Variants in SLC28A3 observed in about 807,000 individuals in gnomAD.
SLC28A3 encodes concentrative Na(+)-nucleoside cotransporter 3.
SLC28A3 carries 68 observed loss-of-function variants against 84.2 expected under a neutral mutation model. That is an observed-to-expected ratio of 0.81 (90% confidence interval 0.66 to 0.99). SLC28A3 has a LOEUF of 0.99. SLC28A3 is among the 50% of genes least tolerant of loss of function. The pLI, the probability that SLC28A3 is intolerant of heterozygous loss-of-function variation, is 0.00. For synonymous variants in SLC28A3, 267 were observed against 303.6 expected (o/e 0.88, Z 1.25); for missense variants, 712 against 841.5 (o/e 0.85, Z 1.90).
At chr9:84,330,250 A>T (rs1826727125) in intron 1 of SLC28A3, among the ~76,000 whole-genome samples, 1 of 152,342 alleles carries the variant, frequency 6.6e-6, no homozygotes, top group South Asian at 2.1e-4. Context: ...TCAAGGAAAA[A>T]AGAAACCAAG....
At chr9:84,299,766 G>A (rs1168456188) in intron 5 of SLC28A3, 41 bp from the exon 6 acceptor site, 1 of 1,541,708 alleles carries the variant, frequency 6.5e-7, no homozygotes, top group African/African-American at 1.4e-5. Context: ...CATTTGTTGT[G>A]CTAACTTGAG....
intron 1 of SLC28A3, among the ~76,000 whole-genome samples, chr9:84,329,124 A>G (rs1236175384): frequency 6.6e-6 from 1 of 152,248 alleles, no homozygotes; most frequent in Non-Finnish European, 1.5e-5. Flanking sequence ...AACAATTGTT[A>G]CTAGAGACAA....
In SLC28A3 at chr9:84,334,213, C is replaced by T. The variant is rs549909316; in HGVS notation, c.60+6361G>A. On this transcript the variant is annotated intron_variant, in intron 1 of 17. Transcript: ENST00000376238. The stretch of plus-strand genomic sequence containing the variant: ...ACTCAGGAGGCTGAAGCAGGAGAAT[C>T]GCTTGAACTGGGGAGGCAGAGGTTG... Among the ~76,000 whole-genome samples the T allele has an allele frequency of 3.9e-5, 6 of 152,290 alleles. No individual in the cohort carries two copies. In the East Asian group the frequency reaches 7.7e-4, roughly 20 times the overall value.
chr9:84,346,193 C>T, the SLC28A3 span, among the ~76,000 whole-genome samples: 3 of 152,200 alleles, frequency 2.0e-5, no homozygotes, highest in Non-Finnish European at 2.9e-5. Flanking sequence ...CCGTTCTGTT[C>T]TCTAAAACTC....
chr9:84,300,932 A>G (rs1212745051), intron 5 of SLC28A3, among the ~76,000 whole-genome samples: 1 of 152,162 alleles, frequency 6.6e-6, no homozygotes, highest in Non-Finnish European at 1.5e-5. Context: ...TCATGTTCAC[A>G]GTTCTCATTA....
upstream of SLC28A3, among the ~76,000 whole-genome samples, chr9:84,340,859 G>C (rs1210924747): frequency 6.6e-6 from 1 of 152,036 alleles, no homozygotes; most frequent in Non-Finnish European, 1.5e-5. Flanking sequence ...TCTAGTGCTG[G>C]CCCGCCCACC....
At chr9:84,283,650 T>C (rs530874584) in intron 14 of SLC28A3, among the ~76,000 whole-genome samples, 1 of 152,336 alleles carries the variant, frequency 6.6e-6, no homozygotes, top group Non-Finnish European at 1.5e-5. Context: ...AGGCAAAGTA[T>C]TATCTTTAGG....
the SLC28A3 span, among the ~76,000 whole-genome samples, chr9:84,351,221 G>A: frequency 6.6e-6 from 1 of 152,164 alleles, no homozygotes; most frequent in Non-Finnish European, 1.5e-5. Context: ...CACAGGGTCA[G>A]GATCATCAAG....
the SLC28A3 span, among the ~76,000 whole-genome samples, chr9:84,355,612 C>G: frequency 6.6e-6 from 1 of 152,028 alleles, no homozygotes; most frequent in Non-Finnish European, 1.5e-5. Context: ...TGAAGTCAGA[C>G]TGCCTGGTTC....
At chr9:84,330,751 G>A (rs929515716) in intron 1 of SLC28A3, among the ~76,000 whole-genome samples, 15 of 151,936 alleles carry the variant, frequency 9.9e-5, no homozygotes, top group Non-Finnish European at 5.9e-5. Context: ...TCAAAGACTT[G>A]GTATGAAACA....
chr9:84,346,518 C>T, the SLC28A3 span, among the ~76,000 whole-genome samples: 2 of 152,080 alleles, frequency 1.3e-5, no homozygotes, highest in African/African-American at 2.4e-5. Flanking sequence ...GCAGATTAAC[C>T]TTTGTCTATA....
At chr9:84,312,471 T>TA (rs1826021988) in intron 2 of SLC28A3, among the ~76,000 whole-genome samples, 1 of 151,330 alleles carries the variant, frequency 6.6e-6, no homozygotes, top group Non-Finnish European at 1.5e-5. Flanking sequence ...TTGTCTACTT[T>TA]AAAAAAAAGT....
chr9:84,367,800 A>T, the SLC28A3 span, among the ~76,000 whole-genome samples: 1 of 152,282 alleles, frequency 6.6e-6, no homozygotes, highest in Middle Eastern at 3.4e-3. Context: ...TCTTTACCCA[A>T]ACATCTCAGT....
At chr9:84,320,642 C>G (rs1284204596) in intron 1 of SLC28A3, among the ~76,000 whole-genome samples, 1 of 152,138 alleles carries the variant, frequency 6.6e-6, no homozygotes, top group African/African-American at 2.4e-5. Context: ...GGGACGGACA[C>G]TGCTTTGGGT....
At chr9:84,334,067 G>A (rs910175791) in intron 1 of SLC28A3, among the ~76,000 whole-genome samples, 1 of 152,238 alleles carries the variant, frequency 6.6e-6, no homozygotes, top group Non-Finnish European at 1.5e-5. Flanking sequence ...CACTTTGGGA[G>A]GCCAAGGCGG....
intron 1 of SLC28A3, among the ~76,000 whole-genome samples, chr9:84,321,502 G>A (rs1190122647): frequency 6.6e-6 from 1 of 152,026 alleles, no homozygotes; most frequent in African/African-American, 2.4e-5. Flanking sequence ...GGGAGGCCGA[G>A]GAGGGCGGAT....
chr9:84,297,949 T>C lies in SLC28A3; in HGVS notation c.740A>G (p.Asp247Gly), dbSNP rs1187544478. The change falls in exon 7 of 18, where the codon GAC becomes GGC. Residue 247 changes from aspartate (D) to glycine (G), a missense_variant. By Grantham distance (94) the Asp-to-Gly change is moderately conservative (BLOSUM62 -1). Transcript: ENST00000376238. The part of the protein sequence containing the change: ...FLLGLLILRT[D>G]PGFIAFDWLG... Reference sequence around the variant, plus strand: ...CCAATCAAAAGCTATAAATCCAGGGTCAGTCCTTAGAATCAAGAGCCCAAG... The same window carrying C: ...CCAATCAAAAGCTATAAATCCAGGGCCAGTCCTTAGAATCAAGAGCCCAAG... The C allele has an allele frequency of 6.2e-7, 1 of 1,611,688 alleles. No individual in the cohort carries two copies.
intron 12 of SLC28A3, among the ~76,000 whole-genome samples, 181 bp from the exon 13 acceptor site, chr9:84,286,292 G>A (rs1824984965): frequency 6.6e-6 from 1 of 152,010 alleles, no homozygotes; most frequent in Admixed American, 6.6e-5. Flanking sequence ...ATTTAACCAT[G>A]TTTGTTCTTG....
rs1261101926 is a variant in SLC28A3 at position 84,285,530 on chromosome 9, AG to A, written c.1461del (p.Tyr488ThrfsTer9). On this transcript the variant is annotated frameshift_variant, in exon 14 of 18. Transcript: ENST00000376238. LOFTEE classifies it high-confidence loss of function. Reference protein sequence around the residue: ...YPQLSFELICSYIFMPFSFMM... With the variant: ...YPQLSFELICXYIFMPFSFMM... ...ATGAAGGAAAAGGGCATGAAGATGT[AG>A]GAGCAGATTAGCTACAGAAACCAAA... 4.6e-5 allele frequency: 74 copies of A among 1,614,076 alleles called. No individual in the cohort carries two copies. The highest frequency in any genetic ancestry group is 1.8e-4 in the Admixed American group (11 of 60,002).
Sources: gnomAD v4.1 joint callset for allele counts (sites outside exome capture counted in the v4.1 genomes callset) on GRCh38, gnomAD v4.1.1 for gene constraint, MANE v1.5 for transcripts, NCBI Gene and HGNC (gene_info 2026-07-23, HGNC 2026-07-21) for gene names.